Variants in M1AP observed in about 807,000 individuals in gnomAD.
The protein encoded by M1AP is meiosis 1 associated protein.
Under a neutral mutation model 51.2 loss-of-function variants are expected in M1AP, and 39 were observed. That is an observed-to-expected ratio of 0.76 (90% CI 0.59 to 1.00). The LOEUF (loss-of-function observed/expected upper bound fraction) is 1.00, where lower values mean the gene tolerates loss of function less well. Ranked by LOEUF, M1AP falls within the 50% of genes least tolerant of loss-of-function variation. The probability of loss-of-function intolerance (pLI) is 0.00; values close to 1 mark genes in which losing one functional copy is unlikely to be tolerated. For missense variants in M1AP, 545 were observed against 641.2 expected, an observed-to-expected ratio of 0.85 and a Z score of 1.62; for synonymous variants, 251 against 249.2, an observed-to-expected ratio of 1.01 and a Z score of -0.07.
chr2:74,639,971 T>A (rs140235790), intron 2 of M1AP, 65 bp downstream of exon 2: 2 of 1,385,182 alleles, frequency 1.4e-6, no homozygotes, highest in African/African-American at 2.9e-5. Flanking sequence ...CTGTGATCTC[T>A]ATTCCAGAAA....
At chr2:74,604,219 T>A (rs923326412) in intron 4 of M1AP, among the ~76,000 whole-genome samples, 1 of 152,064 alleles carries the variant, frequency 6.6e-6, no homozygotes, top group Non-Finnish European at 1.5e-5. Context: ...TAGGGAAGCA[T>A]GGGCATTTCT....
At chr2:74,563,284 C>G (rs948851561) in intron 7 of M1AP, among the ~76,000 whole-genome samples, 5 of 152,062 alleles carry the variant, frequency 3.3e-5, no homozygotes, top group Non-Finnish European at 7.4e-5. Context: ...GCAGTGAAAG[C>G]AGCCTGCAAA....
chr2:74,582,402 G>A (rs1175953201), intron 4 of M1AP, among the ~76,000 whole-genome samples: 2 of 152,148 alleles, frequency 1.3e-5, no homozygotes, highest in Non-Finnish European at 1.5e-5. Flanking sequence ...CCTCAATAGG[G>A]AATATTTAAA....
chr2:74,584,848 T>C (rs954213174), intron 4 of M1AP, among the ~76,000 whole-genome samples: 1 of 149,510 alleles, frequency 6.7e-6, no homozygotes, highest in Non-Finnish European at 1.5e-5. Flanking sequence ...TATTTTTTTA[T>C]TTTATTTTTT....
chr2:74,595,807 AG>A (rs1197501987), intron 4 of M1AP, among the ~76,000 whole-genome samples: 1 of 152,240 alleles, frequency 6.6e-6, no homozygotes, highest in Non-Finnish European at 1.5e-5. Context: ...AGGCTGTAAA[AG>A]AGTTTTTAAA....
chr2:74,638,399 T>A (rs1193872304), intron 2 of M1AP, among the ~76,000 whole-genome samples: 1 of 152,204 alleles, frequency 6.6e-6, no homozygotes, highest in African/African-American at 2.4e-5. Context: ...GTGTTTTTCA[T>A]AGGTTTTATC....
At chr2:74,618,229 T>C (rs1681784277) in intron 2 of M1AP, among the ~76,000 whole-genome samples, 1 of 152,184 alleles carries the variant, frequency 6.6e-6, no homozygotes, top group African/African-American at 2.4e-5. Flanking sequence ...AATGGACCTG[T>C]CTGCCCTGCT....
chr2:74,599,149 C>T (rs544354214), intron 4 of M1AP, among the ~76,000 whole-genome samples: 29 of 151,980 alleles, frequency 1.9e-4, no homozygotes, highest in Non-Finnish European at 3.4e-4. Context: ...CATGGTGATG[C>T]ACACCTATAA....
intron 7 of M1AP, among the ~76,000 whole-genome samples, chr2:74,567,872 T>C (rs1166426762): frequency 6.6e-6 from 1 of 152,206 alleles, no homozygotes; most frequent in Admixed American, 6.5e-5. Flanking sequence ...GATGAAGTGA[T>C]CATTTTCTGA....
intron 7 of M1AP, among the ~76,000 whole-genome samples, chr2:74,566,554 G>A (rs1678395832): frequency 6.6e-6 from 1 of 152,168 alleles, no homozygotes; most frequent in Non-Finnish European, 1.5e-5. Context: ...GAGGGGCGTA[G>A]GTGAAAGATG....
In M1AP at chr2:74,559,482, G is replaced by A. The variant is rs149082348; in HGVS notation, c.1434+216C>T. 2.0e-3 allele frequency among the ~76,000 whole-genome samples: 308 copies of A among 152,288 alleles called. 1 individual carries two copies. Among genetic ancestry groups the A allele is most frequent in the African/African-American group, 7.2e-3 (298 of 41,546 alleles). Reference sequence around the variant, plus strand: ...GCCTAAAATGAGAATTTTTCTAAAGGCTGTGTTACTAAGAAACTGAGAAAA... The same window carrying A: ...GCCTAAAATGAGAATTTTTCTAAAGACTGTGTTACTAAGAAACTGAGAAAA... On this transcript the variant is annotated intron_variant, in intron 10 of 10. Transcript: ENST00000421985.
At chr2:74,580,614 A>G (rs974922474) in intron 5 of M1AP, among the ~76,000 whole-genome samples, 1 of 152,222 alleles carries the variant, frequency 6.6e-6, no homozygotes, top group African/African-American at 2.4e-5. Flanking sequence ...ATGGTCATAA[A>G]GAGTTCTATT....
intron 3 of M1AP, among the ~76,000 whole-genome samples, chr2:74,607,721 G>A (rs1326545039): frequency 4.6e-5 from 7 of 152,028 alleles, no homozygotes; most frequent in African/African-American, 1.2e-4. Context: ...TGATCCGCCC[G>A]CCCCGGCCTC....
chr2:74,590,874 ACTAGCG>A (rs1414565581), intron 4 of M1AP, among the ~76,000 whole-genome samples: 26 of 152,340 alleles, frequency 1.7e-4, no homozygotes, highest in Non-Finnish European at 3.2e-4. Flanking sequence ...TACCCACAGC[ACTAGCG>A]CAGTGTTTAC....
chr2:74,618,891 T>A (rs1054176656), intron 2 of M1AP: 2 of 523,010 alleles, frequency 3.8e-6, no homozygotes, highest in African/African-American at 3.9e-5. Context: ...GTCTTACAGC[T>A]CTTGACTGAG....
At chr2:74,581,958 C>T (rs1679434398) in intron 4 of M1AP, 111 bp from the exon 5 acceptor site, 1 of 957,224 alleles carries the variant, frequency 1.0e-6, no homozygotes, top group Admixed American at 2.4e-5. Context: ...CATTATGTCA[C>T]CCAGGCTAAA....
At position 74,615,095 on chromosome 2, in the gene M1AP, A is replaced by G. The variant is rs760342325; in HGVS notation, c.295T>C (p.Leu99=). The G allele has an allele frequency of 2.5e-6, 4 of 1,614,072 alleles. No individual in the cohort carries two copies. The African/African-American group carries it at 5.3e-5, about 22-fold the overall frequency. Residue 99 remains leucine, a synonymous_variant, in exon 3 of 11, where the codon TTA becomes CTA. Transcript: ENST00000421985. The part of the protein sequence containing the change: ...LQTCISELRM[L]QREGCFRSQG... Reference sequence around the variant, plus strand: ...GATCTGAAACACCCTTCTCTCTGTAACATGCGGAGTTCTGAGATGCAGGTC... The same window carrying G: ...GATCTGAAACACCCTTCTCTCTGTAGCATGCGGAGTTCTGAGATGCAGGTC...
At chr2:74,580,516 C>T (rs551879564) in intron 5 of M1AP, among the ~76,000 whole-genome samples, 70 of 152,258 alleles carry the variant, frequency 4.6e-4, no homozygotes, top group Non-Finnish European at 9.0e-4. Flanking sequence ...AGAGACTTGA[C>T]GGCCATCCCT....
At chr2:74,582,985 C>T (rs1418408282) in intron 4 of M1AP, among the ~76,000 whole-genome samples, 1 of 151,972 alleles carries the variant, frequency 6.6e-6, no homozygotes, top group Non-Finnish European at 1.5e-5. Flanking sequence ...CAGGCCACTG[C>T]ATTCCAGCCT....
Sources: gnomAD v4.1 joint callset for allele counts (sites outside exome capture counted in the v4.1 genomes callset) on GRCh38, gnomAD v4.1.1 for gene constraint, MANE v1.5 for transcripts, NCBI Gene and HGNC (gene_info 2026-07-23, HGNC 2026-07-21) for gene names.